LAMA1: variants seen among roughly 807,000 people sequenced by gnomAD.
The protein encoded by LAMA1 is laminin subunit alpha-1.
Under a neutral mutation model 348.7 loss-of-function variants are expected in LAMA1, and 219 were observed. That is an observed-to-expected ratio of 0.63 (90% CI 0.56 to 0.70). LAMA1 has a LOEUF of 0.70. LAMA1 is among the 30% of genes least tolerant of loss of function. The pLI, the probability that LAMA1 is intolerant of heterozygous loss-of-function variation, is 0.00. For synonymous variants in LAMA1, 1,487 were observed against 1,491.0 expected (o/e 1.00, Z 0.06); for missense variants, 3,744 against 3,888.0 (o/e 0.96, Z 0.99).
rs556341903 is a variant in LAMA1, at chr18:6,943,469, G to T, written c.8845-67C>A. 11 of 1,282,870 alleles carry T rather than the reference G, an allele frequency of 8.6e-6. No homozygotes were observed. In the South Asian group the frequency reaches 1.2e-4, roughly 14 times the overall value. The allele number at this position is 1,282,870 out of a possible 1,614,324, so 79.5% of individuals were successfully genotyped here. Reference sequence around the variant, plus strand: ...ACACAGTCCATTTGTATAAGCTCTTGGAGTAGATAAAATTGCAGCATTATG... The same window carrying T: ...ACACAGTCCATTTGTATAAGCTCTTTGAGTAGATAAAATTGCAGCATTATG... On this transcript the variant is annotated intron_variant, in intron 61 of 62. Coordinates refer to ENST00000389658, the MANE Select transcript of LAMA1 (RefSeq NM_005559.4).
rs1042717832 is a variant in LAMA1 at position 6,955,395 on chromosome 18, C to T, written c.8165G>A (p.Ser2722Asn). The change falls in exon 57 of 63, where the codon AGC (serine) becomes AAC (asparagine). Residue 2722 changes from serine to asparagine, a missense_variant. This residue lies in a region of LAMA1 where 1,983 missense variants were observed against 1,934.3 expected (regional missense o/e 1.03). Transcript: ENST00000389658. ...GAHQFGLTQN[S>N]HFILPFNQSA... The stretch of plus-strand genomic sequence containing the variant: ...CTGATTAAAAGGCAAGATGAAATGG[C>T]TGTTTTGTGTGAGACCAAACTGGTG... The T allele has an allele frequency of 3.7e-6, 6 of 1,614,170 alleles. No individual in the cohort carries two copies. The highest frequency in any genetic ancestry group is 1.3e-5 in the African/African-American group (1 of 75,048).
chr18:6,955,849 C>G, intron 56 of LAMA1: 1 of 358,750 alleles, frequency 2.8e-6, no homozygotes, highest in Non-Finnish European at 5.4e-6. Context: ...AGCTGCGGAC[C>G]AGGCACTGGA....
intron 13 of LAMA1, among the ~76,000 whole-genome samples, chr18:7,035,208 T>C (rs534985833): frequency 4.2e-4 from 64 of 152,174 alleles, no homozygotes; most frequent in African/African-American, 1.4e-3. Flanking sequence ...ACATTACCAC[T>C]TGGGGAGTCC....
intron 16 of LAMA1, among the ~76,000 whole-genome samples, chr18:7,031,534 TA>T (rs199977999): frequency 0.01 from 1,549 of 151,866 alleles, 21 homozygotes; most frequent in African/African-American, 0.036. Flanking sequence ...TATCATGATT[TA>T]AAAAAAATAC....
intron 61 of LAMA1, among the ~76,000 whole-genome samples, chr18:6,943,857 A>G (rs1230328135): frequency 6.6e-6 from 1 of 151,800 alleles, no homozygotes; most frequent in East Asian, 1.9e-4. Flanking sequence ...AAAAAAAAAA[A>G]AAAAAAAAGA....
chr18:7,014,140 G>A (rs2144121866), intron 22 of LAMA1, 89 bp from the exon 23 acceptor site: 1 of 1,013,704 alleles, frequency 9.9e-7, no homozygotes, highest in Non-Finnish European at 1.5e-6. Context: ...AACACTACAT[G>A]TGGGGAAGTT....
chr18:7,001,775 G>A lies in LAMA1; in HGVS notation c.4382+489C>T, dbSNP rs185213038. 1.1e-4 allele frequency among the ~76,000 whole-genome samples: 17 copies of A among 152,160 alleles called. 1 individual carries two copies. The highest frequency in any genetic ancestry group is 3.9e-4 in the African/African-American group (16 of 41,498). ...ATTTCTGGTTCCCTTTTGCATTCAG[G>A]TAATTCTGTACAAGCATCATAAGTA... On this transcript the variant is annotated intron_variant, in intron 30 of 62. Transcript: ENST00000389658.
intron 1 of LAMA1, among the ~76,000 whole-genome samples, chr18:7,095,263 C>T (rs1452448058): frequency 1.3e-5 from 2 of 151,968 alleles, no homozygotes; most frequent in African/African-American, 4.8e-5. Context: ...ACTTTATGTC[C>T]ACACTTTGGT....
intron 3 of LAMA1, among the ~76,000 whole-genome samples, chr18:7,052,459 G>C (rs1045458394): frequency 2.0e-5 from 3 of 151,716 alleles, no homozygotes; most frequent in Middle Eastern, 3.4e-3. Flanking sequence ...GGGCACCATG[G>C]CTCACACCTG....
chr18:7,115,814 C>CAAAAAA lies in LAMA1; in HGVS notation c.61+1840_61+1845dup, dbSNP rs557585224. Among the ~76,000 whole-genome samples the CAAAAAA allele has an allele frequency of 2.4e-3, 229 of 94,774 alleles. 3 individuals carry two copies. Among genetic ancestry groups the CAAAAAA allele is most frequent in the African/African-American group, 6.7e-3 (190 of 28,262 alleles). The allele number at this position is 94,774 out of a possible 152,430, so 62.2% of individuals were successfully genotyped here. On this transcript the variant is annotated intron_variant, in intron 1 of 62. Coordinates refer to ENST00000389658, the MANE Select transcript of LAMA1 (RefSeq NM_005559.4). ...TGAAACCCTGTCTCCACTAAAAATA[C>CAAAAAA]AAAAAAAAAAAAAAAAAAATAGCCG...
chr18:7,014,902 A>C (rs561579270), intron 22 of LAMA1, among the ~76,000 whole-genome samples: 13 of 152,020 alleles, frequency 8.6e-5, no homozygotes, highest in Non-Finnish European at 1.6e-4. Flanking sequence ...GCTGGAATGC[A>C]GTGGCCCGAT....
In LAMA1 at chr18:7,015,719, C is replaced by T; in HGVS notation, c.3126+3G>A. The T allele has an allele frequency of 9.3e-6, 15 of 1,613,644 alleles. No homozygotes were observed. The highest frequency in any genetic ancestry group is 1.3e-5 in the Non-Finnish European group (15 of 1,180,006). On this transcript the variant is annotated splice_donor_region_variant and intron_variant, in intron 22 of 62. Transcript: ENST00000389658. ...AAGCAAGAGCGTGGATGACAGTGCT[C>T]ACCTGGCACCCCACCTCCGCATCGT...
intron 16 of LAMA1, among the ~76,000 whole-genome samples, chr18:7,027,476 T>A (rs902741633): frequency 6.6e-6 from 1 of 151,886 alleles, no homozygotes; most frequent in African/African-American, 2.4e-5. Flanking sequence ...CTCCTAATTA[T>A]TTCCAAATAA....
At position 7,024,440 on chromosome 18, in the gene LAMA1, T is replaced by A. The variant is rs1360355825; in HGVS notation, c.2429A>T (p.Asp810Val). 3 of 1,613,840 alleles carry A rather than the reference T, an allele frequency of 1.9e-6. No individual in the cohort carries two copies. The highest frequency in any genetic ancestry group is 1.3e-5 in the African/African-American group (1 of 74,910). Residue 810 changes from aspartate (D) to valine (V), a missense_variant, in exon 18 of 63, where the codon GAT becomes GTT. This residue lies in a region of LAMA1 where 1,529 missense variants were observed against 1,689.4 expected (regional missense o/e 0.91). Transcript: ENST00000389658. ...NNFSPTCHLNDGDEVVCDWCA... is the reference protein window; with the variant it reads ...NNFSPTCHLNVGDEVVCDWCA... ...CCAGTCACAGACCACTTCATCTCCA[T>A]CATTGAGGTGGCAGGTGGGGCTGAA... is the stretch of plus-strand genomic sequence containing the variant.
At position 7,108,640 on chromosome 18, in the gene LAMA1, C is replaced by CAAAAAAA. The variant is rs58802341; in HGVS notation, c.61+9013_61+9019dup. ...CACTGCACTGAGACAGACTCTGTCT[C>CAAAAAAA]AAAAAAAAAAAAAAAAAAAAAAAAA... On this transcript the variant is annotated intron_variant, in intron 1 of 62. Coordinates refer to ENST00000389658, the MANE Select transcript of LAMA1 (RefSeq NM_005559.4). 1.4e-3 allele frequency among the ~76,000 whole-genome samples: 55 copies of CAAAAAAA among 40,228 alleles called. 4 individuals are homozygous for CAAAAAAA. Among genetic ancestry groups the CAAAAAAA allele is most frequent in the East Asian group, 7.5e-3 (5 of 668 alleles). 26.4% of individuals were successfully genotyped at this position (40,228 alleles called of 152,430 possible).
intron 29 of LAMA1, 29 bp from the exon 30 acceptor site, chr18:7,002,414 A>C: frequency 6.3e-7 from 1 of 1,580,042 alleles, no homozygotes; most frequent in Non-Finnish European, 8.6e-7. Flanking sequence ...AGGAAGGGGG[A>C]AAAAATGGGA....
At chr18:7,013,475 C>T (rs1394865731) in intron 23 of LAMA1, among the ~76,000 whole-genome samples, 1 of 152,260 alleles carries the variant, frequency 6.6e-6, no homozygotes, top group Middle Eastern at 3.4e-3. Context: ...GCCCAATAAC[C>T]TCACAGGGAT....
In LAMA1 at chr18:6,965,532, A is replaced by G. The variant is rs2057629395; in HGVS notation, c.7051-100T>C. ...GCTGAAACCTTCTAAAGTCAAACTG[A>G]GAAAACTGGATCTGGCCCCACAGCC... On this transcript the variant is annotated intron_variant, in intron 49 of 62. Transcript: ENST00000389658. The G allele has an allele frequency of 8.6e-6, 12 of 1,392,512 alleles. No homozygotes were observed. In the Admixed American group the frequency reaches 1.7e-4, roughly 20 times the overall value. 86.3% of individuals were successfully genotyped at this position (1,392,512 alleles called of 1,614,324 possible). A position where few individuals can be genotyped will look rare whatever the true frequency, so the allele number is the denominator to read the frequency against.
At position 7,044,806 on chromosome 18, in the gene LAMA1, C is replaced by G. The variant is rs565276715; in HGVS notation, c.892G>C (p.Gly298Arg). Residue 298 changes from glycine (G) to arginine (R), a missense_variant, in exon 7 of 63, where the codon GGG (glycine) becomes CGG (arginine). This residue lies in a region of LAMA1 where 1,529 missense variants were observed against 1,689.4 expected (regional missense o/e 0.91). Transcript: ENST00000389658. ...GGACAGCACCTGTTACAGCTCTCCCCGCAAGTATTATGCTCACATTGACAC... is the reference window on the plus strand; with the variant it reads ...GGACAGCACCTGTTACAGCTCTCCCGGCAAGTATTATGCTCACATTGACAC... ...LQCQCEHNTC[G>R]ESCNRCCPGY... 1.4e-5 allele frequency: 23 copies of G among 1,614,008 alleles called. No individual in the cohort carries two copies. The highest frequency in any genetic ancestry group is 1.8e-5 in the Non-Finnish European group (21 of 1,180,024).
Sources: allele counts gnomAD v4.1 joint callset (sites outside exome capture counted in the v4.1 genomes callset), GRCh38; gene constraint gnomAD v4.1.1; regional missense constraint gnomAD v4.1.1; transcripts MANE v1.5; gene names NCBI Gene and HGNC (gene_info 2026-07-23, HGNC 2026-07-21).